The following NRP1 variants were observed in gnomAD, a reference collection of about 807,000 sequenced individuals.
The protein encoded by NRP1 is neuropilin-1.
A neutral mutation model predicts 106.7 loss-of-function variants in NRP1; 35 were observed. The ratio of observed to expected loss-of-function variants is 0.33; its 90% CI spans 0.25 to 0.43. The LOEUF (loss-of-function observed/expected upper bound fraction) is 0.43, where lower values mean the gene tolerates loss of function less well. Ranked by LOEUF, NRP1 falls within the 20% of genes least tolerant of loss-of-function variation. The probability of loss-of-function intolerance (pLI) is 1.00; values close to 1 mark genes in which losing one functional copy is unlikely to be tolerated. For missense variants in NRP1, 1,024 were observed against 1,170.4 expected, an observed-to-expected ratio of 0.87 and a Z score of 1.83; for synonymous variants, 437 against 417.9, an observed-to-expected ratio of 1.05 and a Z score of -0.56.
chr10:33,279,511 T>C (rs1464472103), intron 2 of NRP1, among the ~76,000 whole-genome samples: 2 of 152,214 alleles, frequency 1.3e-5, no homozygotes, highest in African/African-American at 2.4e-5. Context: ...CACAGGCTTC[T>C]GGAAAAGCTC....
At chr10:33,189,162 T>TCACAATAAA (rs1440987219) in intron 13 of NRP1, among the ~76,000 whole-genome samples, 118 of 150,500 alleles carry the variant, frequency 7.8e-4, no homozygotes, top group Admixed American at 4.0e-3. Flanking sequence ...ACACACTCAC[T>TCACAATAAA]CACAATAAAC....
At chr10:33,329,622 CTTG>C (rs1848131574) in intron 2 of NRP1, among the ~76,000 whole-genome samples, 1 of 152,188 alleles carries the variant, frequency 6.6e-6, no homozygotes, top group Admixed American at 6.5e-5. Flanking sequence ...CACTTTAAAA[CTTG>C]TGAAAACCTC....
chr10:33,233,104 C>A (rs1420507878), intron 6 of NRP1, among the ~76,000 whole-genome samples: 5 of 152,160 alleles, frequency 3.3e-5, no homozygotes, highest in Non-Finnish European at 7.3e-5. Context: ...GTGCTCCACT[C>A]ACAATGAGAA....
chr10:33,310,672 C>A (rs1846539627), intron 2 of NRP1, among the ~76,000 whole-genome samples: 1 of 152,168 alleles, frequency 6.6e-6, no homozygotes, highest in Admixed American at 6.5e-5. Flanking sequence ...TGGTGGAGTC[C>A]TTTCCATGTT....
intron 6 of NRP1, among the ~76,000 whole-genome samples, chr10:33,232,717 A>T (rs1840253026): frequency 6.8e-6 from 1 of 146,886 alleles, no homozygotes; most frequent in Non-Finnish European, 1.5e-5. Flanking sequence ...ATCTCAGCTA[A>T]CTGCAACCTC....
chr10:33,245,171 T>C (rs1254092589), intron 6 of NRP1, among the ~76,000 whole-genome samples: 1 of 152,176 alleles, frequency 6.6e-6, no homozygotes, highest in African/African-American at 2.4e-5. Context: ...CAAACAACAA[T>C]GAATTTTTTT....
At chr10:33,213,931 C>A in intron 8 of NRP1, 1 of 544,460 alleles carries the variant, frequency 1.8e-6, no homozygotes, top group Non-Finnish European at 3.2e-6. Context: ...CCCAGTAAGG[C>A]AAATCTTCAA....
At chr10:33,288,248 C>T (rs1331372230) in intron 2 of NRP1, 2 of 152,104 alleles carry the variant, frequency 1.3e-5, no homozygotes, top group African/African-American at 2.4e-5. Context: ...TGTTTCTGCC[C>T]CAAGTCCCTA....
intron 3 of NRP1, among the ~76,000 whole-genome samples, chr10:33,267,397 C>T (rs1004541680): frequency 1.3e-5 from 2 of 152,188 alleles, no homozygotes; most frequent in Admixed American, 6.5e-5. Context: ...ATGAGCTCTC[C>T]TCTTTACTTG....
In NRP1 at chr10:33,197,663, G is replaced by A. The variant is rs1488877452; in HGVS notation, c.1911C>T (p.Ser637=). 1.9e-6 allele frequency: 3 copies of A among 1,604,884 alleles called. No homozygotes were observed. Among genetic ancestry groups the A allele is most frequent in the Non-Finnish European group, 2.6e-6 (3 of 1,175,358 alleles). ...LATEKPTVID[S]TIQSEFPTYG... ...TTTATTTGATACCTGATTGTATGGT[G>A]CTGTCTATGACCGTGGGCTTTTCTG... The change falls in exon 12 of 17, where the codon AGC becomes AGT. Residue 637 remains serine, a synonymous_variant. Transcript: ENST00000374867.
intron 2 of NRP1, among the ~76,000 whole-genome samples, chr10:33,287,319 T>C (rs1216101806): frequency 6.6e-6 from 1 of 152,224 alleles, no homozygotes. Flanking sequence ...AGTAATAATA[T>C]TGATTTCTTC....
At chr10:33,235,753 C>G (rs1331314) in intron 6 of NRP1, among the ~76,000 whole-genome samples, 19,312 of 152,208 alleles carry the variant, frequency 0.13, 1,628 homozygotes, top group East Asian at 0.51. Flanking sequence ...TCTATACACT[C>G]TGAAATACAA....
Position 33,192,429 on chromosome 10 carries a change from T to A in NRP1, c.1925-11A>T. On this transcript the variant is annotated splice_polypyrimidine_tract_variant and intron_variant, in intron 12 of 16. Transcript: ENST00000374867. The stretch of plus-strand genomic sequence containing the variant: ...CATATGTTGGAAACTCTTCAGTGGG[T>A]GGGAAGTAAAAATAAGAGACAAGCA... 6.2e-7 allele frequency: 1 copy of A among 1,611,840 alleles called. No homozygotes were observed. The highest frequency in any genetic ancestry group is 8.5e-7 in the Non-Finnish European group (1 of 1,179,106).
Position 33,192,334 on chromosome 10 carries a change from T to G in NRP1, c.2009A>C (p.Gln670Pro). The change falls in exon 13 of 17, where the codon CAG becomes CCG. Residue 670 changes from glutamine to proline, a missense_variant. Gln to Pro is a moderately conservative substitution (Grantham distance 76, BLOSUM62 -1). Transcript: ENST00000374867. Reference sequence around the variant, plus strand: ...GCTGGTCAACACACTCCACTTGAGCTGCACGTGATTGTCATGTTCCCAGTG... The same window carrying G: ...GCTGGTCAACACACTCCACTTGAGCGGCACGTGATTGTCATGTTCCCAGTG... ...FCHWEHDNHV[Q>P]LKWSVLTSKT... 1 of 1,613,920 alleles carries G rather than the reference T, an allele frequency of 6.2e-7. No homozygotes were observed. Among genetic ancestry groups the G allele is most frequent in the South Asian group, 1.1e-5 (1 of 91,070 alleles).
chr10:33,286,374 C>T (rs1218030937), intron 2 of NRP1, among the ~76,000 whole-genome samples: 1 of 152,120 alleles, frequency 6.6e-6, no homozygotes, highest in African/African-American at 2.4e-5. Flanking sequence ...GTGTTCTTAT[C>T]CCTTGAATGC....
At chr10:33,193,563 G>A (rs1768110802) in intron 12 of NRP1, among the ~76,000 whole-genome samples, 1 of 152,056 alleles carries the variant, frequency 6.6e-6, no homozygotes, top group Non-Finnish European at 1.5e-5. Context: ...AGGCGCCTGG[G>A]GCATCTGGAC....
chr10:33,253,063 G>T (rs538970015), intron 6 of NRP1, among the ~76,000 whole-genome samples: 1 of 150,462 alleles, frequency 6.6e-6, no homozygotes, highest in Non-Finnish European at 1.5e-5. Context: ...AGCAATAAAC[G>T]TAAGACAGGA....
chr10:33,303,794 G>C (rs1270450467), intron 2 of NRP1, among the ~76,000 whole-genome samples: 2 of 152,148 alleles, frequency 1.3e-5, no homozygotes, highest in Non-Finnish European at 2.9e-5. Context: ...ATATCTGTTT[G>C]CAAGTCCTGA....
intron 2 of NRP1, among the ~76,000 whole-genome samples, chr10:33,309,550 G>A (rs538305455): frequency 6.6e-6 from 1 of 152,220 alleles, no homozygotes; most frequent in South Asian, 2.1e-4. Flanking sequence ...TTACTGTATC[G>A]CCCATGTCCA....
Sources: gnomAD v4.1 joint callset for allele counts (sites outside exome capture counted in the v4.1 genomes callset) on GRCh38, gnomAD v4.1.1 for gene constraint, MANE v1.5 for transcripts, NCBI Gene and HGNC (gene_info 2026-07-23, HGNC 2026-07-21) for gene names.